Variants in PAPOLG observed in about 807,000 individuals in gnomAD.
PAPOLG encodes PAP-gamma.
PAPOLG carries 40 observed loss-of-function variants against 99.0 expected under a neutral mutation model. The ratio of observed to expected loss-of-function variants is 0.40; its 90% CI spans 0.31 to 0.53. The LOEUF is 0.53. Among genes scored for constraint, PAPOLG ranks in the 20% least tolerant of loss-of-function variants. PAPOLG has a pLI of 0.41. For synonymous variants in PAPOLG, 310 were observed against 299.3 expected (o/e 1.04, Z -0.37); for missense variants, 675 against 884.1 (o/e 0.76, Z 3.00).
chr2:60,789,731 G>T (rs1264634538), intron 15 of PAPOLG, among the ~76,000 whole-genome samples: 1 of 152,156 alleles, frequency 6.6e-6, no homozygotes, highest in African/African-American at 2.4e-5. Flanking sequence ...ACTATTAAAG[G>T]TATTGGCTTG....
intron 14 of PAPOLG, among the ~76,000 whole-genome samples, chr2:60,787,289 G>GAA (rs1671391582): frequency 6.6e-6 from 1 of 152,144 alleles, no homozygotes; most frequent in African/African-American, 2.4e-5. Context: ...GCATCTTTAA[G>GAA]AATATATTTA....
At chr2:60,762,847 G>A (rs1326654231) in intron 3 of PAPOLG, among the ~76,000 whole-genome samples, 1 of 151,700 alleles carries the variant, frequency 6.6e-6, no homozygotes, top group East Asian at 1.9e-4. Context: ...GGCTGGTCTC[G>A]AACTCCTGAT....
At chr2:60,792,818 C>G (rs938899949) in intron 17 of PAPOLG, among the ~76,000 whole-genome samples, 1 of 152,070 alleles carries the variant, frequency 6.6e-6, no homozygotes, top group Non-Finnish European at 1.5e-5. Flanking sequence ...GGCAGATCAC[C>G]TGAGGTCAGG....
intron 10 of PAPOLG, among the ~76,000 whole-genome samples, chr2:60,781,180 A>T (rs1397601001): frequency 6.6e-6 from 1 of 151,758 alleles, no homozygotes; most frequent in Non-Finnish European, 1.5e-5. Context: ...ACGTGGTGAA[A>T]CCCCCTCTCT....
At chr2:60,783,299 C>A in intron 13 of PAPOLG, 90 bp downstream of exon 13, 2 of 560,658 alleles carry the variant, frequency 3.6e-6, no homozygotes, top group Non-Finnish European at 2.9e-6. Flanking sequence ...TACTTTCTTG[C>A]TTGATTTTCA....
chr2:60,785,227 C>A (rs1438211525), intron 13 of PAPOLG, among the ~76,000 whole-genome samples: 1 of 152,008 alleles, frequency 6.6e-6, no homozygotes, highest in Non-Finnish European at 1.5e-5. Flanking sequence ...AAAGCTCCAC[C>A]TCCCAGGTTC....
At chr2:60,772,749 A>G (rs1009114821) in intron 7 of PAPOLG, among the ~76,000 whole-genome samples, 8 of 152,146 alleles carry the variant, frequency 5.3e-5, no homozygotes, top group African/African-American at 1.9e-4. Context: ...CTCCGTCTCA[A>G]AAAAGAAAGA....
chr2:60,782,653 C>CTTTTTTTTTT (rs747526129), intron 11 of PAPOLG, 33 bp from the exon 12 acceptor site: 184 of 1,065,858 alleles, frequency 1.7e-4, no homozygotes, highest in East Asian at 5.8e-4. Flanking sequence ...CATTCTTCTT[C>CTTTTTTTTTT]TTTTTTTTTT....
chr2:60,771,400 C>T (rs1670846630), intron 6 of PAPOLG, 119 bp from the exon 7 acceptor site: 3 of 1,272,006 alleles, frequency 2.4e-6, no homozygotes, highest in South Asian at 3.9e-5. Context: ...CCTATCGAAG[C>T]TTTGGTAGAA....
At position 60,794,974 on chromosome 2, in the gene PAPOLG, G is replaced by T; in HGVS notation, c.2066G>T (p.Gly689Val). 6.2e-7 allele frequency: 1 copy of T among 1,613,384 alleles called. No individual in the cohort carries two copies. Among genetic ancestry groups the T allele is most frequent in the East Asian group, 2.2e-5 (1 of 44,828 alleles). Residue 689 changes from glycine (G) to valine (V), a missense_variant, in exon 21 of 22, where the codon GGA becomes GTA. Gly to Val is a moderately radical substitution (Grantham distance 109). Coordinates refer to ENST00000238714, the MANE Select transcript of PAPOLG (RefSeq NM_022894.4). ...ERKRKSVDAI[G>V]GESMPIPTID... ...TTCTTCTGTTTTTAGGATGCCATTG[G>T]AGGAGAATCTATGCCTATTCCAACT...
chr2:60,784,668 C>T (rs1047830209), intron 13 of PAPOLG, among the ~76,000 whole-genome samples: 10 of 152,218 alleles, frequency 6.6e-5, no homozygotes, highest in Non-Finnish European at 1.3e-4. Flanking sequence ...TTGTCTAGAT[C>T]TGCAGTCAGA....
rs982191195 is a variant in PAPOLG, at chr2:60,780,085, T to C, written c.833+310T>C. On this transcript the variant is annotated intron_variant, in intron 9 of 21. Transcript: ENST00000238714. ...AATGGAGATGATAATCACATTGATA[T>C]ATTAGTATTTTCAGTAAATGTTGGC... is the stretch of plus-strand genomic sequence containing the variant. Among the ~76,000 whole-genome samples, 7 of 152,224 alleles carry C rather than the reference T, an allele frequency of 4.6e-5. No homozygotes were observed. The South Asian group carries it at 8.3e-4, about 18-fold the overall frequency.
chr2:60,768,691 A>G (rs1670759155), intron 4 of PAPOLG, 90 bp from the exon 5 acceptor site: 8 of 1,367,380 alleles, frequency 5.9e-6, no homozygotes, highest in Non-Finnish European at 6.0e-6. Context: ...CTCAACTTCC[A>G]TACTTTCTTC....
rs764124061 is a variant in PAPOLG, at chr2:60,783,180, C to T, written c.1137C>T (p.Ser379=). ...GACATTATATAGTATTGACTGCCAG[C>T]GCATCAACAGAAGAAAACCATCTAG... ...KYRHYIVLTA[S]ASTEENHLEW... The change falls in exon 13 of 22, where the codon AGC becomes AGT. Residue 379 remains serine, a synonymous_variant. Transcript: ENST00000238714. 60 of 1,590,622 alleles carry T rather than the reference C, an allele frequency of 3.8e-5. No homozygotes were observed. In the East Asian group the frequency reaches 7.3e-4, roughly 19 times the overall value.
At chr2:60,772,795 G>A (rs1159532474) in intron 7 of PAPOLG, among the ~76,000 whole-genome samples, 3 of 152,142 alleles carry the variant, frequency 2.0e-5, no homozygotes, top group Non-Finnish European at 4.4e-5. Flanking sequence ...AGGGAGGAGT[G>A]TTTTAATAGC....
At chr2:60,777,755 G>A (rs1671066880) in intron 8 of PAPOLG, among the ~76,000 whole-genome samples, 1 of 152,120 alleles carries the variant, frequency 6.6e-6, no homozygotes, top group African/African-American at 2.4e-5. Context: ...TTTAAGTATT[G>A]TTGTGTCTCC....
chr2:60,761,872 A>T, intron 3 of PAPOLG, 65 bp downstream of exon 3: 3 of 1,145,962 alleles, frequency 2.6e-6, no homozygotes, highest in Non-Finnish European at 3.9e-6. Flanking sequence ...CCTGGCAATA[A>T]GATGCAGGTG....
intron 2 of PAPOLG, 72 bp from the exon 3 acceptor site, chr2:60,761,669 C>G (rs1469593352): frequency 6.1e-6 from 8 of 1,320,356 alleles, no homozygotes; most frequent in Non-Finnish European, 8.7e-6. Flanking sequence ...AGGGTACTGC[C>G]TATATGGGTT....
chr2:60,797,195 C>T lies in PAPOLG; in HGVS notation c.*35C>T. 6.2e-7 allele frequency: 1 copy of T among 1,608,672 alleles called. No homozygotes were observed. The highest frequency in any genetic ancestry group is 8.5e-7 in the Non-Finnish European group (1 of 1,175,478). ...CTCCTCACTTAAGTGAACAAGCAAT[C>T]ATTTAGTGGCATAGATGCAGCCACT... is the stretch of plus-strand genomic sequence containing the variant. On this transcript the variant is annotated 3_prime_UTR_variant, in exon 22 of 22. Coordinates refer to ENST00000238714, the MANE Select transcript of PAPOLG (RefSeq NM_022894.4).
Sources: allele counts gnomAD v4.1 joint callset (sites outside exome capture counted in the v4.1 genomes callset), GRCh38; gene constraint gnomAD v4.1.1; transcripts MANE v1.5; gene names NCBI Gene and HGNC (gene_info 2026-07-23, HGNC 2026-07-21).